The following OSR1 variants were observed in gnomAD, a reference collection of about 807,000 sequenced individuals.
OSR1 encodes the protein odd-skipped related transcription factor 1.
OSR1 carries 3 observed loss-of-function variants against 15.7 expected under a neutral mutation model. The ratio of observed to expected loss-of-function variants is 0.19; its 90% CI spans 0.09 to 0.50. The LOEUF (loss-of-function observed/expected upper bound fraction) is 0.50. Among genes scored for constraint, OSR1 ranks in the 20% least tolerant of loss-of-function variants. OSR1 has a pLI of 0.97. For synonymous variants in OSR1, 166 were observed against 152.7 expected (o/e 1.09, Z -0.64); for missense variants, 271 against 351.1 (o/e 0.77, Z 1.82).
chr2:19,352,337 C>T lies in OSR1; in HGVS notation c.739G>A (p.Ala247Thr). 1 of 1,614,130 alleles carries T rather than the reference C, an allele frequency of 6.2e-7. No individual in the cohort carries two copies. Among genetic ancestry groups the T allele is most frequent in the South Asian group, 1.1e-5 (1 of 91,088 alleles). Reference protein sequence around the residue: ...GKGFCQSRTLAVHKTLHSQVK... With the variant: ...GKGFCQSRTLTVHKTLHSQVK... The stretch of plus-strand genomic sequence containing the variant: ...TGTGAGTGTAGCGTCTTGTGGACAG[C>T]GAGAGTCCTGGACTGGCAGAATCCT... The change falls in exon 3 of 3, where the codon GCT becomes ACT. Residue 247 changes from alanine (A) to threonine (T), a missense_variant. Ala to Thr is a moderately conservative substitution (Grantham distance 58, BLOSUM62 0). This residue lies in a region of OSR1 where 21 missense variants were observed against 24.3 expected (regional missense o/e 0.86). Coordinates refer to ENST00000272223, the MANE Select transcript of OSR1 (RefSeq NM_145260.3).
the OSR1 span, among the ~76,000 whole-genome samples, chr2:19,346,122 T>C: frequency 6.6e-6 from 1 of 152,200 alleles, no homozygotes; most frequent in Non-Finnish European, 1.5e-5. Flanking sequence ...AAACTCCTTA[T>C]CTTATCTCAC....
chr2:19,358,139 G>C (rs915912096), intron 1 of OSR1: 1 of 152,336 alleles, frequency 6.6e-6, no homozygotes, highest in Non-Finnish European at 1.5e-5. Context: ...GTCAGAGGCC[G>C]AGGACCCCGC....
chr2:19,347,867 CTCG>C (rs1664758675), downstream of OSR1, among the ~76,000 whole-genome samples: 1 of 152,238 alleles, frequency 6.6e-6, no homozygotes, highest in African/African-American at 2.4e-5. Context: ...CACCCACTTT[CTCG>C]TCTGCATTTT....
chr2:19,346,453 T>C, the OSR1 span, among the ~76,000 whole-genome samples: 1 of 152,196 alleles, frequency 6.6e-6, no homozygotes, highest in African/African-American at 2.4e-5. Context: ...TAGACTAGGA[T>C]GCTCTAACAC....
chr2:19,355,284 C>T (rs11676363), intron 1 of OSR1: 1,714 of 152,674 alleles, frequency 0.011, 13 homozygotes, highest in Middle Eastern at 0.027. Flanking sequence ...CATTACTCTC[C>T]TCTTCCTAGG....
chr2:19,357,727 T>A lies in OSR1; in HGVS notation c.-33+614A>T, dbSNP rs954514505. 2.5e-4 allele frequency: 38 copies of A among 152,348 alleles called. No homozygotes were observed. The highest frequency in any genetic ancestry group is 8.2e-4 in the African/African-American group (34 of 41,566). 9.4% of individuals were successfully genotyped at this position (152,348 alleles called of 1,614,324 possible). On this transcript the variant is annotated intron_variant, in intron 1 of 2. Coordinates refer to ENST00000272223, the MANE Select transcript of OSR1 (RefSeq NM_145260.3). The surrounding 1 kb of genome is among the most constrained non-coding windows in gnomAD (Gnocchi z 5.0). The stretch of plus-strand genomic sequence containing the variant: ...TCCAGGCCTTGACGACACAGAGCAA[T>A]CATCCTATGGAGAATATCCCTAAGT...
Position 19,353,565 on chromosome 2 carries a change from C to G in OSR1, c.241G>C (p.Asp81His). ...AAGGCGGGCAGCTGGAAGCGCGCAT[C>G]CACCAAGCTGGACACCGTGCCCGGC... ...KVPGTVSSLVDARFQLPAFPW... is the reference protein window; with the variant it reads ...KVPGTVSSLVHARFQLPAFPW... The change falls in exon 2 of 3, where the codon GAT becomes CAT. Residue 81 changes from aspartate (D) to histidine (H), a missense_variant. Asp to His is a moderately conservative substitution (Grantham distance 81). Coordinates refer to ENST00000272223, the MANE Select transcript of OSR1 (RefSeq NM_145260.3). 1 of 1,614,206 alleles carries G rather than the reference C, an allele frequency of 6.2e-7. No homozygotes were observed. Among genetic ancestry groups the G allele is most frequent in the Non-Finnish European group, 8.5e-7 (1 of 1,180,036 alleles).
intron 1 of OSR1, 164 bp from the exon 2 acceptor site, chr2:19,354,001 G>A (rs1028874079): frequency 1.4e-5 from 9 of 625,164 alleles, no homozygotes; most frequent in Non-Finnish European, 2.2e-5. Flanking sequence ...TCACAAAGAG[G>A]GTGGGAATGT....
chr2:19,354,977 G>A (rs976894545), intron 1 of OSR1: 4 of 152,322 alleles, frequency 2.6e-5, no homozygotes, highest in African/African-American at 9.6e-5. Context: ...GTGACCAGGG[G>A]TTGGCATCTC....
At chr2:19,354,127 CTGAGA>C in intron 1 of OSR1, 1 of 300,884 alleles carries the variant, frequency 3.3e-6, no homozygotes, top group Non-Finnish European at 6.2e-6. Flanking sequence ...ATGCAAGACA[CTGAGA>C]AAGGAACAAG....
At chr2:19,349,778 G>A (rs1664800282), downstream of OSR1, among the ~76,000 whole-genome samples, 1 of 150,862 alleles carries the variant, frequency 6.6e-6, no homozygotes, top group African/African-American at 2.4e-5. Flanking sequence ...AAGAGCCAAG[G>A]GACTAGGAAG....
chr2:19,352,544 G>A (rs971519979), intron 2 of OSR1, 134 bp from the exon 3 acceptor site: 9 of 1,069,518 alleles, frequency 8.4e-6, no homozygotes, highest in East Asian at 4.9e-5. Flanking sequence ...AAGTGTGGAT[G>A]GGACAAAATG....
At chr2:19,349,357 C>A (rs983835983), downstream of OSR1, among the ~76,000 whole-genome samples, 1 of 152,132 alleles carries the variant, frequency 6.6e-6, no homozygotes, top group East Asian at 1.9e-4. Context: ...TGCAGGGAGA[C>A]GTGATCTCTG....
Position 19,353,796 on chromosome 2 carries a change from T to G in OSR1, c.10A>C (p.Lys4Gln), listed in dbSNP as rs778633008. The G allele has an allele frequency of 1.5e-5, 24 of 1,610,156 alleles. No individual in the cohort carries two copies. Among genetic ancestry groups the G allele is most frequent in the Non-Finnish European group, 2.0e-5 (24 of 1,177,580 alleles). MGSKTLPAPVPIHP... is the reference protein window; with the variant it reads MGSQTLPAPVPIHP... ...ATAGGCACCGGCGCCGGCAAGGTTT[T>G]GCTGCCCATTTCGGTAGTTGCAGTG... Residue 4 changes from lysine (K) to glutamine (Q), a missense_variant, in exon 2 of 3, where the codon AAA becomes CAA. Transcript: ENST00000272223.
At chr2:19,346,394 C>A in the OSR1 span, among the ~76,000 whole-genome samples, 2 of 152,154 alleles carry the variant, frequency 1.3e-5, no homozygotes, top group African/African-American at 2.4e-5. Flanking sequence ...GTGAGAGGAC[C>A]ATTCCTGCAG....
At position 19,353,621 on chromosome 2, in the gene OSR1, A is replaced by G; in HGVS notation, c.185T>C (p.Met62Thr). 1.9e-6 allele frequency: 3 copies of G among 1,614,254 alleles called. No individual in the cohort carries two copies. Among genetic ancestry groups the G allele is most frequent in the South Asian group, 2.2e-5 (2 of 91,088 alleles). The change falls in exon 2 of 3, where the codon ATG (methionine) becomes ACG (threonine). Residue 62 changes from methionine to threonine, a missense_variant. Around this residue, in one of 4 missense-constraint regions of OSR1, gnomAD observed 210 missense variants for 218.4 expected, o/e 0.96. Transcript: ENST00000272223. Reference protein sequence around the residue: ...LHQWTLGYPAMHLPRSSFSKV... With the variant: ...LHQWTLGYPATHLPRSSFSKV... ...GGAGAAAGAAGAGCGCGGCAAGTGC[A>G]TGGCCGGGTAGCCCAGCGTCCACTG... is the stretch of plus-strand genomic sequence containing the variant.
rs1327712465 is a variant in OSR1 at position 19,352,323 on chromosome 2, C to T, written c.753G>A (p.Thr251=). The T allele has an allele frequency of 1.9e-6, 3 of 1,614,186 alleles. No homozygotes were observed. The highest frequency in any genetic ancestry group is 1.7e-5 in the Admixed American group (1 of 60,028). ...CQSRTLAVHK[T]LHSQVKELKT... is the part of the protein sequence containing the mutation. ...TGAGCTCCTTCACCTGTGAGTGTAGCGTCTTGTGGACAGCGAGAGTCCTGG... is the reference window on the plus strand; with the variant it reads ...TGAGCTCCTTCACCTGTGAGTGTAGTGTCTTGTGGACAGCGAGAGTCCTGG... Residue 251 remains threonine (T), a synonymous_variant, in exon 3 of 3, where the codon ACG becomes ACA. Coordinates refer to ENST00000272223, the MANE Select transcript of OSR1 (RefSeq NM_145260.3).
rs1337476179 is a variant in OSR1 at position 19,353,180 on chromosome 2, T to A, written c.626A>T (p.His209Leu). The A allele has an allele frequency of 1.9e-6, 3 of 1,614,086 alleles. No homozygotes were observed. The African/African-American group carries it at 4.0e-5, about 22-fold the overall frequency. The change falls in exon 2 of 3, where the codon CAC (histidine) becomes CTC (leucine). Residue 209 changes from histidine to leucine, a missense_variant. Physicochemically the swap from His to Leu is moderately conservative, Grantham distance 99. Transcript: ENST00000272223. Reference protein sequence around the residue: ...DERPYTCDICHKAFRRQDHLR... With the variant: ...DERPYTCDICLKAFRRQDHLR... ...GTGGTCTTGCCTCCGGAAGGCTTTG[T>A]GGCAGATGTCACAGGTGTAGGGCCG... is the stretch of plus-strand genomic sequence containing the variant.
At chr2:19,350,823 A>C (rs985585338), downstream of OSR1, among the ~76,000 whole-genome samples, 1 of 152,144 alleles carries the variant, frequency 6.6e-6, no homozygotes, top group Non-Finnish European at 1.5e-5. Context: ...CATTCCTGAC[A>C]AGGCTTTAAA....
Sources: allele counts gnomAD v4.1 joint callset (sites outside exome capture counted in the v4.1 genomes callset), GRCh38; gene constraint gnomAD v4.1.1; regional missense constraint gnomAD v4.1.1; non-coding constraint Gnocchi (gnomAD v3.1); transcripts MANE v1.5; gene names NCBI Gene and HGNC (gene_info 2026-07-23, HGNC 2026-07-21).